The following FAF1 variants were observed in gnomAD, a reference collection of about 807,000 sequenced individuals.
FAF1 encodes the protein Fas associated factor 1, also known as FAS-associated factor 1.
Under a neutral mutation model 92.5 loss-of-function variants are expected in FAF1, and 25 were observed. That is an observed-to-expected ratio of 0.27 (90% confidence interval 0.20 to 0.38). The LOEUF (loss-of-function observed/expected upper bound fraction) is 0.38. Among genes scored for constraint, FAF1 ranks in the 10% least tolerant of loss-of-function variants. The pLI, the probability that FAF1 is intolerant of heterozygous loss-of-function variation, is 1.00. For synonymous variants in FAF1, 234 were observed against 273.2 expected, an observed-to-expected ratio of 0.86 and a Z score of 1.42; for missense variants, 636 against 793.3, an observed-to-expected ratio of 0.80 and a Z score of 2.38.
intron 17 of FAF1, among the ~76,000 whole-genome samples, chr1:50,484,615 CAGGGATG>C (rs1460005591): frequency 1.3e-5 from 2 of 152,018 alleles, no homozygotes; most frequent in African/African-American, 4.8e-5. Context: ...ATGATGATGA[CAGGGATG>C]ATTATAATTA....
At chr1:50,448,923 T>C (rs1409739054) in intron 18 of FAF1, among the ~76,000 whole-genome samples, 1 of 148,100 alleles carries the variant, frequency 6.8e-6, no homozygotes, top group African/African-American at 2.5e-5. Context: ...TGTAACATGA[T>C]ACGAGGGTCA....
chr1:50,781,911 A>G (rs1661192587), intron 4 of FAF1, among the ~76,000 whole-genome samples: 1 of 152,226 alleles, frequency 6.6e-6, no homozygotes, highest in African/African-American at 2.4e-5. Flanking sequence ...AACAATGACC[A>G]CATATATTAT....
At chr1:50,836,668 T>A (rs777598880) in intron 2 of FAF1, among the ~76,000 whole-genome samples, 6 of 152,168 alleles carry the variant, frequency 3.9e-5, no homozygotes, top group Non-Finnish European at 5.9e-5. Context: ...CAAATACATA[T>A]ACCATTTCTT....
chr1:50,771,936 G>A (rs1361977563), intron 4 of FAF1, among the ~76,000 whole-genome samples: 3 of 151,964 alleles, frequency 2.0e-5, no homozygotes, highest in South Asian at 2.1e-4. Context: ...TGCCAACTAT[G>A]TTTAATTTTG....
At chr1:50,452,316 T>C in intron 18 of FAF1, 1 of 411,380 alleles carries the variant, frequency 2.4e-6, no homozygotes. Context: ...TTCTGTAGTG[T>C]GGCAAGATAA....
At chr1:50,607,828 G>T (rs748932030) in intron 8 of FAF1, among the ~76,000 whole-genome samples, 1 of 152,226 alleles carries the variant, frequency 6.6e-6, no homozygotes, top group Non-Finnish European at 1.5e-5. Context: ...CCTAAGGGGA[G>T]ACCCAGAATC....
At chr1:50,729,054 A>AT (rs1364447973) in intron 6 of FAF1, among the ~76,000 whole-genome samples, 20 of 97,826 alleles carry the variant, frequency 2.0e-4, no homozygotes, top group South Asian at 1.1e-3. Flanking sequence ...ATATATATAT[A>AT]TATATTTTTT....
intron 2 of FAF1, among the ~76,000 whole-genome samples, chr1:50,851,583 T>C (rs532139038): frequency 1.3e-5 from 2 of 152,292 alleles, no homozygotes; most frequent in South Asian, 2.1e-4. Context: ...CATTTCCAAA[T>C]TGCATTCAAC....
chr1:50,643,081 C>G (rs566991278), intron 8 of FAF1, among the ~76,000 whole-genome samples: 1 of 152,204 alleles, frequency 6.6e-6, no homozygotes, highest in Admixed American at 6.5e-5. Context: ...CCGCCCGCCT[C>G]GGCCTCCCAA....
intron 18 of FAF1, among the ~76,000 whole-genome samples, chr1:50,456,079 A>C (rs928590071): frequency 6.6e-6 from 1 of 151,604 alleles, no homozygotes; most frequent in African/African-American, 2.4e-5. Flanking sequence ...TGCTTTAAAC[A>C]AAAAAAAATT....
intron 18 of FAF1, among the ~76,000 whole-genome samples, chr1:50,444,284 T>A (rs1248336144): frequency 6.6e-6 from 1 of 152,170 alleles, no homozygotes; most frequent in East Asian, 1.9e-4. Context: ...ACCTCCTGCT[T>A]AGGAAAGAGC....
At chr1:50,864,764 C>T (rs1348976179) in intron 1 of FAF1, among the ~76,000 whole-genome samples, 1 of 152,158 alleles carries the variant, frequency 6.6e-6, no homozygotes, top group Non-Finnish European at 1.5e-5. Context: ...CATTACCATT[C>T]AGGACGTAGG....
chr1:50,458,044 T>A (rs1035254535), intron 18 of FAF1, among the ~76,000 whole-genome samples: 3 of 150,094 alleles, frequency 2.0e-5, no homozygotes, highest in East Asian at 2.0e-4. Context: ...AGAAACCCCA[T>A]CTCTACTAAA....
chr1:50,619,909 CTTTT>C (rs869279028), intron 8 of FAF1, among the ~76,000 whole-genome samples: 6 of 140,266 alleles, frequency 4.3e-5, no homozygotes, highest in Admixed American at 1.4e-4. Flanking sequence ...CTCTCTCTCT[CTTTT>C]TTTTTTTTTT....
chr1:50,853,956 T>C (rs956794335), intron 2 of FAF1, among the ~76,000 whole-genome samples: 30 of 152,164 alleles, frequency 2.0e-4, no homozygotes, highest in African/African-American at 7.0e-4. Flanking sequence ...AAATACTTCA[T>C]ATATCATGGA....
chr1:50,637,679 A>ATGTGTGTGTGTGTG (rs764058700), intron 8 of FAF1, among the ~76,000 whole-genome samples: 457 of 101,770 alleles, frequency 4.5e-3, no homozygotes, highest in East Asian at 8.8e-3. Context: ...ACACATATAT[A>ATGTGTGTGTGTGTG]TATGTGTGTG....
At chr1:50,685,328 A>G (rs1361717975) in intron 7 of FAF1, among the ~76,000 whole-genome samples, 2 of 152,216 alleles carry the variant, frequency 1.3e-5, no homozygotes, top group Admixed American at 6.5e-5. Flanking sequence ...CACAAACAAC[A>G]TGTGTCAGGG....
chr1:50,778,331 G>A (rs920550236), intron 4 of FAF1, among the ~76,000 whole-genome samples: 2 of 152,100 alleles, frequency 1.3e-5, no homozygotes, highest in Admixed American at 1.3e-4. Flanking sequence ...GGATCTGGGT[G>A]GTGGTGGTTC....
intron 8 of FAF1, among the ~76,000 whole-genome samples, chr1:50,606,047 T>C (rs1652368573): frequency 6.6e-6 from 1 of 152,138 alleles, no homozygotes; most frequent in African/African-American, 2.4e-5. Flanking sequence ...AATAAAGAGA[T>C]AAGTGAAAAA....
Sources: allele counts gnomAD v4.1 joint callset (sites outside exome capture counted in the v4.1 genomes callset), GRCh38; gene constraint gnomAD v4.1.1; transcripts MANE v1.5; gene names NCBI Gene and HGNC (gene_info 2026-07-23, HGNC 2026-07-21).